Variants in SLC1A3 observed in about 807,000 individuals in gnomAD.
SLC1A3 encodes the protein excitatory amino acid transporter 1.
In SLC1A3, 21 loss-of-function variants were observed where a neutral mutation model predicts 48.1. The observed-to-expected ratio is 0.44, with a 90% CI of 0.31 to 0.63. The LOEUF (loss-of-function observed/expected upper bound fraction) is 0.63. Ranked by LOEUF, SLC1A3 falls within the 20% of genes least tolerant of loss-of-function variation. The probability of loss-of-function intolerance (pLI) is 0.08; values close to 1 mark genes in which losing one functional copy is unlikely to be tolerated. For missense variants in SLC1A3, 546 were observed against 689.0 expected, an observed-to-expected ratio of 0.79 and a Z score of 2.32; for synonymous variants, 239 against 251.4, an observed-to-expected ratio of 0.95 and a Z score of 0.47.
At chr5:36,608,815 A>G (rs921228324) in intron 2 of SLC1A3, 12 of 1,339,736 alleles carry the variant, frequency 9.0e-6, no homozygotes, top group African/African-American at 1.5e-5. Flanking sequence ...ATCATTAGGC[A>G]TTATGCAAAT....
chr5:36,618,369 A>G (rs1739531463), intron 2 of SLC1A3, among the ~76,000 whole-genome samples: 1 of 152,214 alleles, frequency 6.6e-6, no homozygotes, highest in Admixed American at 6.5e-5. Context: ...AAAGTGAAAC[A>G]TTGAGTGATG....
Position 36,634,275 on chromosome 5 carries a change from C to CA in SLC1A3, c.319+4695dup, listed in dbSNP as rs35761187. 1.1e-3 allele frequency among the ~76,000 whole-genome samples: 122 copies of CA among 115,168 alleles called. 3 individuals carry two copies. The highest frequency in any genetic ancestry group is 7.9e-3 in the East Asian group (29 of 3,668). 75.6% of individuals were successfully genotyped at this position (115,168 alleles called of 152,430 possible). On this transcript the variant is annotated intron_variant, in intron 3 of 9. Coordinates refer to ENST00000265113, the MANE Select transcript of SLC1A3 (RefSeq NM_004172.5). The stretch of plus-strand genomic sequence containing the variant: ...TGGGTAACGGAGTGAGGCTCTGTCT[C>CA]AAAAAAAGAAATATAAATAAATAAA...
chr5:36,608,819 T>C, intron 2 of SLC1A3: 4 of 1,330,670 alleles, frequency 3.0e-6, no homozygotes, highest in Non-Finnish European at 2.9e-6. Flanking sequence ...TTAGGCATTA[T>C]GCAAATCAAT....
At chr5:36,668,677 T>A (rs1741862034) in intron 3 of SLC1A3, 1 of 152,194 alleles carries the variant, frequency 6.6e-6, no homozygotes, top group African/African-American at 2.4e-5. Flanking sequence ...CCTTCTGTGC[T>A]TTTTGGGAAA....
At chr5:36,613,329 C>T (rs75645748) in intron 2 of SLC1A3, 1,613 of 153,974 alleles carry the variant, frequency 0.01, 30 homozygotes, top group African/African-American at 0.035. Context: ...GAACAGTTTC[C>T]GTAACTCTAG....
Position 36,686,357 on chromosome 5 carries a change from C to A in SLC1A3, c.*88C>A. Reference sequence around the variant, plus strand: ...TCTCATTACAGCTCATTCGCTCCAGCAAGCCCGTCATCTTCCCTTTCCTCC... The same window carrying A: ...TCTCATTACAGCTCATTCGCTCCAGAAAGCCCGTCATCTTCCCTTTCCTCC... On this transcript the variant is annotated 3_prime_UTR_variant, in exon 10 of 10. Transcript: ENST00000265113. 1 of 999,468 alleles carries A rather than the reference C, an allele frequency of 1.0e-6. No individual in the cohort carries two copies. The highest frequency in any genetic ancestry group is 1.6e-6 in the Non-Finnish European group (1 of 627,366). 61.9% of individuals were successfully genotyped at this position (999,468 alleles called of 1,614,324 possible).
upstream of SLC1A3, among the ~76,000 whole-genome samples, chr5:36,604,351 T>A (rs1468140429): frequency 1.4e-5 from 2 of 142,230 alleles, no homozygotes; most frequent in African/African-American, 2.8e-5. Flanking sequence ...AAAAAAAAGA[T>A]GTTTTAAAGC....
intron 8 of SLC1A3, 54 bp downstream of exon 8, chr5:36,680,643 C>T (rs1368196373): frequency 3.4e-5 from 50 of 1,480,090 alleles, no homozygotes; most frequent in Admixed American, 3.3e-5. Flanking sequence ...TAAGGCTGGG[C>T]GTGGTGGCTC....
chr5:36,679,913 C>T (rs1052676045), intron 7 of SLC1A3, 53 bp downstream of exon 7: 13 of 1,304,892 alleles, frequency 1.0e-5, no homozygotes, highest in Non-Finnish European at 1.4e-5. Flanking sequence ...GAACCAGGGC[C>T]CCTCAAGTAG....
At chr5:36,664,604 C>T (rs950661030) in intron 3 of SLC1A3, among the ~76,000 whole-genome samples, 35 of 152,204 alleles carry the variant, frequency 2.3e-4, no homozygotes, top group African/African-American at 8.4e-4. Context: ...CAAAACAATA[C>T]TTACCTTTAC....
intron 1 of SLC1A3, among the ~76,000 whole-genome samples, chr5:36,599,541 A>T (rs1199772152): frequency 1.0e-3 from 56 of 53,658 alleles, no homozygotes; most frequent in African/African-American, 4.0e-3. Context: ...ACGGAGTCTC[A>T]CTCTGTCACC....
intron 1 of SLC1A3, among the ~76,000 whole-genome samples, chr5:36,599,114 T>A (rs1201693871): frequency 6.6e-6 from 1 of 152,204 alleles, no homozygotes; most frequent in Non-Finnish European, 1.5e-5. Context: ...AAGTGCTCAA[T>A]GGTTACATGT....
At chr5:36,640,990 T>A (rs12659296) in intron 3 of SLC1A3, among the ~76,000 whole-genome samples, 1 of 149,526 alleles carries the variant, frequency 6.7e-6, no homozygotes, top group Non-Finnish European at 1.5e-5. Context: ...CACACACACA[T>A]ACACACACAC....
intron 8 of SLC1A3, among the ~76,000 whole-genome samples, 170 bp from the exon 9 acceptor site, chr5:36,683,694 T>TGAGATACTG (rs1742528333): frequency 7.9e-6 from 1 of 126,100 alleles, no homozygotes. Flanking sequence ...GGCAACAGAG[T>TGAGATACTG]GAGATACTGT....
At chr5:36,600,884 C>T (rs1005046233) in intron 1 of SLC1A3, among the ~76,000 whole-genome samples, 1 of 152,172 alleles carries the variant, frequency 6.6e-6, no homozygotes, top group Admixed American at 6.5e-5. Context: ...ATCCAATGTC[C>T]AAAAGTTATT....
rs1440089323 is a variant in SLC1A3, at chr5:36,686,045, C to G, written c.1425-20C>G. The G allele has an allele frequency of 1.9e-6, 3 of 1,609,606 alleles. No individual in the cohort carries two copies. The highest frequency in any genetic ancestry group is 2.7e-5 in the African/African-American group (2 of 74,840). On this transcript the variant is annotated intron_variant, in intron 9 of 9. Coordinates refer to ENST00000265113, the MANE Select transcript of SLC1A3 (RefSeq NM_004172.5). ...GCTCACGGGAGCCTCGTTTTTCCCT[C>G]CTCCCCACCCTGCCTGCAGGGATCG...
chr5:36,678,312 C>T (rs1742294327), intron 6 of SLC1A3, among the ~76,000 whole-genome samples: 1 of 152,130 alleles, frequency 6.6e-6, no homozygotes, highest in Non-Finnish European at 1.5e-5. Context: ...TCCACAGGAG[C>T]CCCCACTTGG....
At chr5:36,685,768 A>T (rs1210638850) in intron 9 of SLC1A3, among the ~76,000 whole-genome samples, 1 of 152,226 alleles carries the variant, frequency 6.6e-6, no homozygotes, top group Non-Finnish European at 1.5e-5. Context: ...TGAGACTGAG[A>T]GGGACAAATG....
chr5:36,598,958 C>CCA (rs1395689359), intron 1 of SLC1A3, among the ~76,000 whole-genome samples: 2 of 152,080 alleles, frequency 1.3e-5, no homozygotes, highest in African/African-American at 4.8e-5. Context: ...TTATTTAACT[C>CCA]AATATATCCA....
Sources: allele counts gnomAD v4.1 joint callset (sites outside exome capture counted in the v4.1 genomes callset), GRCh38; gene constraint gnomAD v4.1.1; transcripts MANE v1.5; gene names NCBI Gene and HGNC (gene_info 2026-07-23, HGNC 2026-07-21).